SFT2D1: variants seen among roughly 807,000 people sequenced by gnomAD.
SFT2D1 encodes the protein SFT2 domain containing 1, also known as vesicle transport protein SFT2A.
SFT2D1 carries 24 observed loss-of-function variants against 28.1 expected under a neutral mutation model. The observed-to-expected ratio is 0.85, with a 90% CI of 0.62 to 1.20. The LOEUF (loss-of-function observed/expected upper bound fraction) is 1.20, where lower values mean the gene tolerates loss of function less well. SFT2D1 is among the 50% of genes most tolerant of loss of function. The pLI is 0.00. For missense variants in SFT2D1, 181 were observed against 190.9 expected (o/e 0.95, Z 0.31); for synonymous variants, 82 against 73.7 (o/e 1.11, Z -0.58).
rs35147403 is a variant in SFT2D1, at chr6:166,322,747, C to CA, written c.440+109dup. The CA allele has an allele frequency of 4.2e-4, 317 of 753,310 alleles. 1 individual carries two copies. Among genetic ancestry groups the CA allele is most frequent in the Middle Eastern group, 3.2e-3 (8 of 2,498 alleles). 46.7% of individuals were successfully genotyped at this position (753,310 alleles called of 1,614,324 possible). A position where few individuals can be genotyped will look rare whatever the true frequency, so the allele number is the denominator to read the frequency against. ...TTCCTTTTAGGAAATTAAAATCAAC[C>CA]AAAAAAAAAGGGTTTAAATAGTATT... On this transcript the variant is annotated intron_variant, in intron 7 of 7. Transcript: ENST00000361731.
chr6:166,326,547 C>T (rs558540238), intron 4 of SFT2D1, among the ~76,000 whole-genome samples: 26 of 152,270 alleles, frequency 1.7e-4, no homozygotes, highest in African/African-American at 5.5e-4. Flanking sequence ...TCAGTGGACT[C>T]GTCTAAACCT....
At chr6:166,330,499 G>C (rs1778529878) in intron 1 of SFT2D1, among the ~76,000 whole-genome samples, 1 of 152,124 alleles carries the variant, frequency 6.6e-6, no homozygotes, top group Non-Finnish European at 1.5e-5. Context: ...GTCCTTATCT[G>C]TTAGGGACAG....
intron 1 of SFT2D1, among the ~76,000 whole-genome samples, chr6:166,341,428 C>A (rs1215337892): frequency 7.0e-6 from 1 of 143,554 alleles, no homozygotes; most frequent in Non-Finnish European, 1.5e-5. Context: ...CAGGCCTGAG[C>A]GACAAAGCAA....
rs746833208 is a variant in SFT2D1, at chr6:166,342,468, C to T, written c.14G>A (p.Arg5Gln). MEKL[R>Q]RVLSGQDDEE... is the part of the protein sequence containing the mutation. Reference sequence around the variant, plus strand: ...GTCGTCCTGGCCGCTCAGGACTCGCCGCAGCTTCTCCATGGCCCTGTTACA... The same window carrying T: ...GTCGTCCTGGCCGCTCAGGACTCGCTGCAGCTTCTCCATGGCCCTGTTACA... Residue 5 changes from arginine to glutamine, a missense_variant, in exon 1 of 8, where the codon CGG becomes CAG. Arg to Gln is a conservative substitution (Grantham distance 43). Transcript: ENST00000361731. 7 of 1,555,864 alleles carry T rather than the reference C, an allele frequency of 4.5e-6. No homozygotes were observed. The highest frequency in any genetic ancestry group is 1.2e-5 in the South Asian group (1 of 84,442).
chr6:166,333,220 G>A (rs952054900), intron 1 of SFT2D1, among the ~76,000 whole-genome samples: 3 of 152,152 alleles, frequency 2.0e-5, no homozygotes, highest in East Asian at 1.9e-4. Flanking sequence ...CCCCACACCC[G>A]CTGCTGGGGT....
chr6:166,333,153 G>T (rs1293897159), intron 1 of SFT2D1, among the ~76,000 whole-genome samples: 3 of 152,246 alleles, frequency 2.0e-5, no homozygotes, highest in Non-Finnish European at 4.4e-5. Context: ...AGACAAGTGA[G>T]AAAAAGAAAC....
intron 3 of SFT2D1, among the ~76,000 whole-genome samples, chr6:166,328,854 C>G (rs1778498862): frequency 6.6e-6 from 1 of 152,214 alleles, no homozygotes; most frequent in Non-Finnish European, 1.5e-5. Context: ...AGACAAACAA[C>G]AACCCAAAGA....
At chr6:166,341,741 G>A (rs1778785955) in intron 1 of SFT2D1, among the ~76,000 whole-genome samples, 1 of 151,858 alleles carries the variant, frequency 6.6e-6, no homozygotes, top group African/African-American at 2.4e-5. Flanking sequence ...CGCAGTTCCT[G>A]CTCCACTGCT....
At chr6:166,322,471 C>G (rs1489748005) in intron 7 of SFT2D1, among the ~76,000 whole-genome samples, 1 of 151,950 alleles carries the variant, frequency 6.6e-6, no homozygotes, top group East Asian at 1.9e-4. Flanking sequence ...GCGGTAGGAT[C>G]ACAAAGTCAG....
chr6:166,342,224 TAA>T (rs1778797256), intron 1 of SFT2D1, among the ~76,000 whole-genome samples, 193 bp downstream of exon 1: 1 of 152,070 alleles, frequency 6.6e-6, no homozygotes, highest in Non-Finnish European at 1.5e-5. Context: ...AAAGTGGGTT[TAA>T]GTAGACCGCA....
Position 166,326,162 on chromosome 6 carries a change from A to G in SFT2D1, c.321T>C (p.Cys107=), listed in dbSNP as rs1388083585. 4.3e-6 allele frequency: 7 copies of G among 1,613,618 alleles called. No homozygotes were observed. In the South Asian group the frequency reaches 5.5e-5, roughly 13 times the overall value. The change falls in exon 5 of 8, where the codon TGT becomes TGC. Residue 107 remains cysteine, a synonymous_variant. Coordinates refer to ENST00000361731, the MANE Select transcript of SFT2D1 (RefSeq NM_145169.3). ...RLLATIVMLL[C]FIFTLCAALW... is the part of the protein sequence containing the mutation. ...GAGCAGCACACAGGGTAAATATGAA[A>G]CACAACTACAGGGGAAGAAAGAGTA...
intron 1 of SFT2D1, chr6:166,334,855 G>C (rs770473948): frequency 7.1e-6 from 3 of 424,140 alleles, no homozygotes; most frequent in South Asian, 5.7e-5. Flanking sequence ...GGGCTGTCTC[G>C]AGAAGATTCT....
chr6:166,335,043 C>T (rs993589479), intron 1 of SFT2D1: 8 of 523,586 alleles, frequency 1.5e-5, no homozygotes, highest in South Asian at 3.2e-5. Flanking sequence ...ACAACCACGA[C>T]GCTGTGGACA....
intron 7 of SFT2D1, among the ~76,000 whole-genome samples, chr6:166,322,113 C>G (rs932937490): frequency 1.3e-5 from 2 of 152,152 alleles, no homozygotes; most frequent in Non-Finnish European, 2.9e-5. Context: ...GAACTCCTGA[C>G]CTCAAGTGAT....
At chr6:166,327,801 A>ATTTTT (rs111372481) in intron 4 of SFT2D1, among the ~76,000 whole-genome samples, 2 of 151,832 alleles carry the variant, frequency 1.3e-5, no homozygotes, top group Admixed American at 6.6e-5. Flanking sequence ...CATAGGATAT[A>ATTTTT]TTTTTTTTTT....
At chr6:166,330,341 C>A (rs1778528038) in intron 1 of SFT2D1, 94 bp from the exon 2 acceptor site, 1 of 778,852 alleles carries the variant, frequency 1.3e-6, no homozygotes, top group Middle Eastern at 3.0e-4. Flanking sequence ...AACACATAGT[C>A]TGAATCATTT....
chr6:166,340,524 C>T (rs544862478), intron 1 of SFT2D1, among the ~76,000 whole-genome samples: 1 of 152,340 alleles, frequency 6.6e-6, no homozygotes, highest in East Asian at 1.9e-4. Flanking sequence ...CCTGAACATG[C>T]TGACCACACA....
At chr6:166,330,874 G>T (rs543375264) in intron 1 of SFT2D1, among the ~76,000 whole-genome samples, 6 of 152,364 alleles carry the variant, frequency 3.9e-5, no homozygotes, top group African/African-American at 1.4e-4. Flanking sequence ...ACAGGAGGCA[G>T]CCTGAGCAGC....
intron 2 of SFT2D1, 112 bp from the exon 3 acceptor site, chr6:166,329,701 C>T (rs1583037719): frequency 2.8e-5 from 24 of 846,506 alleles, no homozygotes; most frequent in African/African-American, 1.7e-5. Context: ...TGTTTAAATA[C>T]AAATCTGCTT....
Sources: allele counts gnomAD v4.1 joint callset (sites outside exome capture counted in the v4.1 genomes callset), GRCh38; gene constraint gnomAD v4.1.1; transcripts MANE v1.5; gene names NCBI Gene and HGNC (gene_info 2026-07-23, HGNC 2026-07-21).